SHROOM2: variants seen among roughly 807,000 people sequenced by gnomAD.
SHROOM2 encodes shroom family member 2.
A neutral mutation model predicts 75.9 loss-of-function variants in SHROOM2; 33 were observed. That is an observed-to-expected ratio of 0.43 (90% CI 0.33 to 0.58). The LOEUF (loss-of-function observed/expected upper bound fraction) is 0.58. Among genes scored for constraint, SHROOM2 ranks in the 20% least tolerant of loss-of-function variants. The pLI is 0.04. For synonymous variants in SHROOM2, 655 were observed against 663.6 expected, an observed-to-expected ratio of 0.99 and a Z score of 0.20; for missense variants, 1,434 against 1,461.2, an observed-to-expected ratio of 0.98 and a Z score of 0.30.
At position 9,806,762 on chromosome X, in the gene SHROOM2, C is replaced by T. The variant is rs1195012314; in HGVS notation, c.165+20052C>T. On this transcript the variant is annotated intron_variant, in intron 1 of 9. Coordinates refer to ENST00000380913, the MANE Select transcript of SHROOM2 (RefSeq NM_001649.4). ...TTTTTGAGACAGAGTCTCACTCTGT[C>T]GCCCAGGCTGGAGTGCAGTGGCACT... 2.4e-3 allele frequency among the ~76,000 whole-genome samples: 255 copies of T among 106,205 alleles called. 2 individuals carry two copies. The highest frequency in any genetic ancestry group is 8.1e-3 in the African/African-American group (235 of 28,995). 92.2% of individuals were successfully genotyped at this position (106,205 alleles called of 115,157 possible). A position where few individuals can be genotyped will look rare whatever the true frequency, so the allele number is the denominator to read the frequency against.
chrX:9,861,640 G>A (rs988855913), intron 1 of SHROOM2, among the ~76,000 whole-genome samples: 9 of 112,185 alleles, frequency 8.0e-5, no homozygotes, highest in African/African-American at 2.6e-4. Context: ...TGTACTTGTA[G>A]CATACTTTAG....
At chrX:9,860,653 A>G (rs1192847822) in intron 1 of SHROOM2, among the ~76,000 whole-genome samples, 2 of 111,615 alleles carry the variant, frequency 1.8e-5, no homozygotes, top group Admixed American at 9.5e-5. Context: ...TGAACTCCTG[A>G]CCTCAAGTGA....
At chrX:9,941,971 C>CA (rs56088322) in intron 8 of SHROOM2, among the ~76,000 whole-genome samples, 807 of 53,676 alleles carry the variant, frequency 0.015, 10 homozygotes, top group Admixed American at 0.043. Flanking sequence ...GACTCCGTCT[C>CA]AAAAAAAAAA....
At chrX:9,855,633 GC>G (rs1449038672) in intron 1 of SHROOM2, among the ~76,000 whole-genome samples, 4 of 111,884 alleles carry the variant, frequency 3.6e-5, no homozygotes, top group Non-Finnish European at 5.6e-5. Flanking sequence ...AAACAAGGCT[GC>G]TACGGTTTCA....
Position 9,791,896 on chromosome X carries a change from C to T in SHROOM2, c.165+5186C>T, listed in dbSNP as rs769588458. Among the ~76,000 whole-genome samples, 5 of 107,764 alleles carry T rather than the reference C, an allele frequency of 4.6e-5. No individual in the cohort carries two copies. The South Asian group carries it at 1.6e-3, about 35-fold the overall frequency. 93.6% of individuals were successfully genotyped at this position (107,764 alleles called of 115,157 possible). A position where few individuals can be genotyped will look rare whatever the true frequency, so the allele number is the denominator to read the frequency against. ...TGTAATTCCAGCTACTCGGGAGGCT[C>T]CCGGGAGGCAGAGGTTGTGGTGAGC... On this transcript the variant is annotated intron_variant, in intron 1 of 9. Coordinates refer to ENST00000380913, the MANE Select transcript of SHROOM2 (RefSeq NM_001649.4).
intron 1 of SHROOM2, chrX:9,819,007 C>A (rs537959411): frequency 1.0e-6 from 1 of 955,190 alleles, no homozygotes; most frequent in Non-Finnish European, 1.5e-6. Context: ...TTTTCCTTGT[C>A]TTTGCCCTTT....
chrX:9,880,938 GC>G (rs746151696), intron 2 of SHROOM2, among the ~76,000 whole-genome samples: 2 of 111,495 alleles, frequency 1.8e-5, no homozygotes, highest in East Asian at 5.6e-4. Flanking sequence ...TAGAATAGTT[GC>G]CTGATAACTT....
intron 1 of SHROOM2, among the ~76,000 whole-genome samples, chrX:9,830,600 T>C (rs2083910875): frequency 1.3e-5 from 1 of 76,495 alleles, no homozygotes; most frequent in African/African-American, 5.1e-5. Flanking sequence ...TTTTTTTTTT[T>C]TTTTTTTTTT....
chrX:9,828,145 C>T (rs1209865641), intron 1 of SHROOM2, among the ~76,000 whole-genome samples: 2 of 112,675 alleles, frequency 1.8e-5, no homozygotes, highest in African/African-American at 6.4e-5. Context: ...TGGCAGCAGT[C>T]GAGAGAGAGC....
chrX:9,802,659 C>T (rs981287529), intron 1 of SHROOM2, among the ~76,000 whole-genome samples: 3 of 111,626 alleles, frequency 2.7e-5, no homozygotes, highest in Admixed American at 9.6e-5. Context: ...TTGCTGGTAT[C>T]GCGGGCATAT....
intron 5 of SHROOM2, among the ~76,000 whole-genome samples, chrX:9,928,749 C>T (rs991922773): frequency 1.8e-5 from 2 of 110,745 alleles, no homozygotes; most frequent in African/African-American, 6.6e-5. Flanking sequence ...ACAACCCAGG[C>T]GTACACATAC....
At position 9,873,653 on chromosome X, in the gene SHROOM2, T is replaced by C. The variant is rs1486501536; in HGVS notation, c.167T>C (p.Ile56Thr). ...ATGGAACATGCTTCTCTGTTACAGA[T>C]TGAAGAGGGCAGTAAAGCCGCGGCG... ...EHGEPLVITKIEEGSKAAAVD... is the reference protein window; with the variant it reads ...EHGEPLVITKTEEGSKAAAVD... Residue 56 changes from isoleucine (I) to threonine (T), a missense_variant and splice_region_variant, in exon 2 of 10, where the codon ATT (isoleucine) becomes ACT (threonine). Ile to Thr is a moderately conservative substitution (Grantham distance 89). Transcript: ENST00000380913. 8.3e-7 allele frequency: 1 copy of C among 1,210,136 alleles called. No individual in the cohort carries two copies. The highest frequency in any genetic ancestry group is 1.7e-5 in the African/African-American group (1 of 57,346).
chrX:9,896,585 G>A lies in SHROOM2; in HGVS notation c.2677G>A (p.Gly893Arg), dbSNP rs775783159. ...GAAACCTCTGGAGGCCAGGAGCTCT[G>A]GGCGCTGCCACTCAGCGGATGACAT... ...QRKPLEARSSGRCHSADDILD... is the reference protein window; with the variant it reads ...QRKPLEARSSRRCHSADDILD... Residue 893 changes from glycine to arginine, a missense_variant, in exon 4 of 10, where the codon GGG becomes AGG. By Grantham distance (125) the Gly-to-Arg change is moderately radical. Around this residue, in one of 3 missense-constraint regions of SHROOM2, gnomAD observed 1,340 missense variants for 1,338.3 expected, o/e 1.00. Transcript: ENST00000380913. The A allele has an allele frequency of 8.3e-7, 1 of 1,210,327 alleles. No homozygotes were observed. The highest frequency in any genetic ancestry group is 1.7e-5 in the African/African-American group (1 of 57,955).
rs1351364754 is a variant in SHROOM2 at position 9,896,140 on chromosome X, C to A, written c.2232C>A (p.His744Gln). Residue 744 changes from histidine (H) to glutamine (Q), a missense_variant, in exon 4 of 10, where the codon CAC becomes CAA. Physicochemically the swap from His to Gln is conservative, Grantham distance 24. Around this residue, in one of 3 missense-constraint regions of SHROOM2, gnomAD observed 1,340 missense variants for 1,338.3 expected, o/e 1.00. Transcript: ENST00000380913. Reference protein sequence around the residue: ...QPPSSTSGGPHPPRIGGRRRF... With the variant: ...QPPSSTSGGPQPPRIGGRRRF... ...CCTCATCTACAAGTGGCGGGCCCCA[C>A]CCGCCCCGCATCGGAGGCCGGAGAC... The A allele has an allele frequency of 3.3e-6, 4 of 1,207,164 alleles. No homozygotes were observed. Among genetic ancestry groups the A allele is most frequent in the Non-Finnish European group, 4.5e-6 (4 of 893,447 alleles).
At chrX:9,896,779 G>C in intron 4 of SHROOM2, 81 bp downstream of exon 4, 1 of 994,948 alleles carries the variant, frequency 1.0e-6, no homozygotes, top group Middle Eastern at 2.9e-4. Flanking sequence ...GCTGACGCCA[G>C]GGCTACTCAG....
chrX:9,897,285 A>G (rs1333689330), intron 4 of SHROOM2, among the ~76,000 whole-genome samples: 1 of 111,762 alleles, frequency 8.9e-6, no homozygotes, highest in Non-Finnish European at 1.9e-5. Flanking sequence ...AGAAAACTGC[A>G]TATTTCTTAG....
intron 1 of SHROOM2, among the ~76,000 whole-genome samples, chrX:9,804,071 C>T (rs938721557): frequency 3.6e-5 from 4 of 111,633 alleles, no homozygotes; most frequent in Non-Finnish European, 3.8e-5. Context: ...AGATCGTGCC[C>T]GGGTTGGGAG....
At chrX:9,841,486 C>A (rs1259421764) in intron 1 of SHROOM2, among the ~76,000 whole-genome samples, 1 of 111,372 alleles carries the variant, frequency 9.0e-6, no homozygotes, top group African/African-American at 3.3e-5. Flanking sequence ...AAGGAGGAGG[C>A]AGGAGGGAGA....
At chrX:9,887,747 G>A (rs1488963064) in intron 2 of SHROOM2, among the ~76,000 whole-genome samples, 2 of 112,781 alleles carry the variant, frequency 1.8e-5, no homozygotes, top group Non-Finnish European at 3.7e-5. Context: ...TGATAGAAGG[G>A]TTGGGGAGGG....
Sources: gnomAD v4.1 joint callset for allele counts (sites outside exome capture counted in the v4.1 genomes callset) on GRCh38, gnomAD v4.1.1 for gene constraint, gnomAD v4.1.1 regional missense constraint, MANE v1.5 for transcripts, NCBI Gene and HGNC (gene_info 2026-07-23, HGNC 2026-07-21) for gene names.